The following IGSF3 variants were observed in gnomAD, a reference collection of about 807,000 sequenced individuals.
IGSF3 encodes the protein glu-Trp-Ile EWI motif-containing protein 3.
In IGSF3, 23 loss-of-function variants were observed where a neutral mutation model predicts 114.4. That is an observed-to-expected ratio of 0.20 (90% CI 0.14 to 0.28). The LOEUF is 0.28. Ranked by LOEUF, IGSF3 falls within the 10% of genes least tolerant of loss-of-function variation. The pLI is 1.00. For synonymous variants in IGSF3, 571 were observed against 645.2 expected (o/e 0.88, Z 1.74); for missense variants, 1,172 against 1,591.5 (o/e 0.74, Z 4.48).
chr1:116,644,899 C>T lies in IGSF3; in HGVS notation c.43+21385G>A, dbSNP rs573153411. ...ACCTAGATTAGGCATCAAAAGTACCCGGTCCCCTTCATACATGGCTGGTGG... is the reference window on the plus strand; with the variant it reads ...ACCTAGATTAGGCATCAAAAGTACCTGGTCCCCTTCATACATGGCTGGTGG... On this transcript the variant is annotated intron_variant, in intron 2 of 10. Transcript: ENST00000369486. The surrounding 1 kb of genome is among the most constrained non-coding windows in gnomAD (Gnocchi z 5.6). Among the ~76,000 whole-genome samples the T allele has an allele frequency of 2.0e-5, 3 of 152,260 alleles. No homozygotes were observed. Among genetic ancestry groups the T allele is most frequent in the African/African-American group, 2.4e-5 (1 of 41,540 alleles).
Position 116,649,168 on chromosome 1 carries a change from C to T in IGSF3, c.43+17116G>A, listed in dbSNP as rs932152380. ...AAAGTCTGGTCCTGGAAGGACAGCC[C>T]TCCCCGTCTTGGCAGCCACACTTTC... On this transcript the variant is annotated intron_variant, in intron 2 of 10. Transcript: ENST00000369486. This position sits in a 1 kb window ranked among gnomAD's most constrained non-coding sequence, Gnocchi z 4.5. Among the ~76,000 whole-genome samples the T allele has an allele frequency of 2.0e-5, 3 of 152,232 alleles. No homozygotes were observed. Among genetic ancestry groups the T allele is most frequent in the African/African-American group, 7.2e-5 (3 of 41,468 alleles).
At chr1:116,663,716 T>C (rs1041890883) in intron 2 of IGSF3, among the ~76,000 whole-genome samples, 27 of 152,108 alleles carry the variant, frequency 1.8e-4, no homozygotes, top group African/African-American at 6.3e-4. Flanking sequence ...GTCTGTCATG[T>C]TGAGGGAGAT....
At position 116,624,220 on chromosome 1, in the gene IGSF3, T is replaced by C. The variant is rs1285922402; in HGVS notation, c.44-7763A>G. ...TCTTGTCTCAAAAAAAAAAAAAAAATGGCTCTTGAAACAGCCATCAATTCC... is the reference window on the plus strand; with the variant it reads ...TCTTGTCTCAAAAAAAAAAAAAAAACGGCTCTTGAAACAGCCATCAATTCC... On this transcript the variant is annotated intron_variant, in intron 2 of 10. Coordinates refer to ENST00000369486, the MANE Select transcript of IGSF3 (RefSeq NM_001007237.3). This position sits in a 1 kb window ranked among gnomAD's most constrained non-coding sequence, Gnocchi z 4.9. 3.4e-5 allele frequency among the ~76,000 whole-genome samples: 5 copies of C among 146,014 alleles called. No homozygotes were observed. The highest frequency in any genetic ancestry group is 6.0e-5 in the Non-Finnish European group (4 of 66,494).
At position 116,634,127 on chromosome 1, in the gene IGSF3, T is replaced by C. The variant is rs1399609327; in HGVS notation, c.44-17670A>G. Reference sequence around the variant, plus strand: ...GAATTAGGTCAGAAGCAGACTTAATTTGCACTGTGTACATCCTTCGGTATC... The same window carrying C: ...GAATTAGGTCAGAAGCAGACTTAATCTGCACTGTGTACATCCTTCGGTATC... On this transcript the variant is annotated intron_variant, in intron 2 of 10. Transcript: ENST00000369486. The surrounding 1 kb of genome is among the most constrained non-coding windows in gnomAD (Gnocchi z 4.2). 1.3e-5 allele frequency among the ~76,000 whole-genome samples: 2 copies of C among 152,222 alleles called. No individual in the cohort carries two copies. The highest frequency in any genetic ancestry group is 2.4e-5 in the African/African-American group (1 of 41,450).
chr1:116,622,450 T>C (rs1297999941), intron 2 of IGSF3, among the ~76,000 whole-genome samples: 1 of 151,568 alleles, frequency 6.6e-6, no homozygotes, highest in Non-Finnish European at 1.5e-5. Flanking sequence ...AAACTGCATA[T>C]GCAGTAAAAT....
chr1:116,609,235 T>C (rs2101474256), intron 4 of IGSF3, among the ~76,000 whole-genome samples: 1 of 152,072 alleles, frequency 6.6e-6, no homozygotes, highest in South Asian at 2.1e-4. Flanking sequence ...CTAGGTGTTT[T>C]TTTAATTTTT....
chr1:116,653,991 A>G (rs1236084729), intron 2 of IGSF3, among the ~76,000 whole-genome samples: 1 of 152,244 alleles, frequency 6.6e-6, no homozygotes, highest in Non-Finnish European at 1.5e-5. Context: ...AAACATCAGA[A>G]GGCATTATGA....
At chr1:116,656,844 C>T (rs1444835935) in intron 2 of IGSF3, among the ~76,000 whole-genome samples, 1 of 152,084 alleles carries the variant, frequency 6.6e-6, no homozygotes, top group Non-Finnish European at 1.5e-5. Flanking sequence ...AGGAGAATCA[C>T]TCAAACCCGG....
rs963785190 is a variant in IGSF3, at chr1:116,577,801, G to T, written c.3335-239C>A. Among the ~76,000 whole-genome samples the T allele has an allele frequency of 1.3e-5, 2 of 152,090 alleles. No individual in the cohort carries two copies. The highest frequency in any genetic ancestry group is 6.6e-5 in the Admixed American group (1 of 15,262). On this transcript the variant is annotated intron_variant, in intron 10 of 10. Transcript: ENST00000369486. The surrounding 1 kb of genome is among the most constrained non-coding windows in gnomAD (Gnocchi z 5.7). ...AAGCAATGCTTCTGTTTTCCATTGA[G>T]AGCCATTATTGCTGCTTGGAAAGCC...
In IGSF3 at chr1:116,584,784, G is replaced by A. The variant is rs756150311; in HGVS notation, c.2709C>T (p.Leu903=). ...CCTGCACAGCCACGTTCTGGATGAA[G>A]AGACGGTACACGCCGGGGGAAGGAC... is the stretch of plus-strand genomic sequence containing the variant. ...LESPSPGVYR[L]FIQNVAVQDS... is the part of the protein sequence containing the mutation. The change falls in exon 9 of 11, where the codon CTC becomes CTT. Residue 903 remains leucine, a synonymous_variant. Transcript: ENST00000369486. This position sits in a 1 kb window ranked among gnomAD's most constrained non-coding sequence, Gnocchi z 5.8. The A allele has an allele frequency of 1.9e-6, 3 of 1,614,276 alleles. No homozygotes were observed. The highest frequency in any genetic ancestry group is 2.2e-5 in the South Asian group (2 of 91,090).
At position 116,577,540 on chromosome 1, in the gene IGSF3, G is replaced by A. The variant is rs1659404227; in HGVS notation, c.3357C>T (p.Ile1119=). ...AGTAGAAGAGTGCGTCGTTGGAGCA[G>A]ATGATGGACTGGAGGGTGGGACCTG... ...LDTSPTLQSI[I]CSNDALFYFV... is the part of the protein sequence containing the mutation. The change falls in exon 11 of 11, where the codon ATC becomes ATT. Residue 1119 remains isoleucine, a synonymous_variant. Transcript: ENST00000369486. This position sits in a 1 kb window ranked among gnomAD's most constrained non-coding sequence, Gnocchi z 5.7. 2.5e-6 allele frequency: 4 copies of A among 1,613,956 alleles called. No homozygotes were observed. The highest frequency in any genetic ancestry group is 1.3e-5 in the African/African-American group (1 of 74,886).
intron 2 of IGSF3, among the ~76,000 whole-genome samples, chr1:116,656,565 C>G (rs1235229105): frequency 6.6e-6 from 1 of 152,010 alleles, no homozygotes; most frequent in African/African-American, 2.4e-5. Flanking sequence ...GCTGGGATTA[C>G]AGGCGTGACT....
At chr1:116,620,228 G>A (rs1022281704) in intron 2 of IGSF3, among the ~76,000 whole-genome samples, 1 of 152,164 alleles carries the variant, frequency 6.6e-6, no homozygotes, top group Non-Finnish European at 1.5e-5. Flanking sequence ...GGTGACTGAA[G>A]GTGAGCACGG....
intron 2 of IGSF3, among the ~76,000 whole-genome samples, chr1:116,658,098 A>C (rs2101081469): frequency 6.6e-6 from 1 of 151,590 alleles, no homozygotes; most frequent in African/African-American, 2.4e-5. Context: ...CTGGAGTGCA[A>C]TGGTGCAATC....
At chr1:116,637,249 G>A (rs1323692298) in intron 2 of IGSF3, among the ~76,000 whole-genome samples, 2 of 152,116 alleles carry the variant, frequency 1.3e-5, no homozygotes, top group South Asian at 2.1e-4. Flanking sequence ...AGCACTATTC[G>A]AAAGTTCTTC....
At chr1:116,581,320 CTTTTTTTT>C (rs955415319) in intron 9 of IGSF3, among the ~76,000 whole-genome samples, 11 of 70,596 alleles carry the variant, frequency 1.6e-4, no homozygotes, top group African/African-American at 1.6e-4. Context: ...GTTTTGCTGT[CTTTTTTTT>C]TTTTTTTTTT....
rs1048261612 is a variant in IGSF3, at chr1:116,585,822, G to T, written c.2441-770C>A. ...CTGTAATCCCAGCTACTCGGGAGGT[G>T]AAGGTTGCAGTGAGCTAAGATCGTG... On this transcript the variant is annotated intron_variant, in intron 8 of 10. Coordinates refer to ENST00000369486, the MANE Select transcript of IGSF3 (RefSeq NM_001007237.3). The surrounding 1 kb of genome is among the most constrained non-coding windows in gnomAD (Gnocchi z 4.9). Among the ~76,000 whole-genome samples, 1 of 152,154 alleles carries T rather than the reference G, an allele frequency of 6.6e-6. No homozygotes were observed. The highest frequency in any genetic ancestry group is 2.4e-5 in the African/African-American group (1 of 41,444).
At chr1:116,599,035 T>C (rs1005220631) in intron 7 of IGSF3, among the ~76,000 whole-genome samples, 17 of 152,274 alleles carry the variant, frequency 1.1e-4, no homozygotes, top group Admixed American at 1.1e-3. Flanking sequence ...GGACAGGGCC[T>C]GGGTGCAGGC....
rs1326464116 is a variant in IGSF3 at position 116,584,890 on chromosome 1, G to A, written c.2603C>T (p.Ala868Val). Reference sequence around the variant, plus strand: ...GAAGGTGGCGTCACGGCTCAAGCGGGCCACAGTCTCCCGCTCAGGGTGGTT... The same window carrying A: ...GAAGGTGGCGTCACGGCTCAAGCGGACCACAGTCTCCCGCTCAGGGTGGTT... The part of the protein sequence containing the change: ...KPNHPERETV[A>V]RLSRDATFHY... The change falls in exon 9 of 11, where the codon GCC becomes GTC. Residue 868 changes from alanine to valine, a missense_variant. Physicochemically the swap from Ala to Val is moderately conservative, Grantham distance 64. This residue lies in a region of IGSF3 where 423 missense variants were observed against 509.8 expected (regional missense o/e 0.83). Transcript: ENST00000369486. This position sits in a 1 kb window ranked among gnomAD's most constrained non-coding sequence, Gnocchi z 5.8. 2 of 1,614,098 alleles carry A rather than the reference G, an allele frequency of 1.2e-6. No homozygotes were observed. Among genetic ancestry groups the A allele is most frequent in the African/African-American group, 2.7e-5 (2 of 74,946 alleles).
Sources: allele counts gnomAD v4.1 joint callset (sites outside exome capture counted in the v4.1 genomes callset), GRCh38; gene constraint gnomAD v4.1.1; regional missense constraint gnomAD v4.1.1; non-coding constraint Gnocchi (gnomAD v3.1); transcripts MANE v1.5; gene names NCBI Gene and HGNC (gene_info 2026-07-23, HGNC 2026-07-21).